Variants in ASTN2 observed in about 807,000 individuals in gnomAD.
ASTN2 encodes the protein astrotactin-2.
In ASTN2, 54 loss-of-function variants were observed where a neutral mutation model predicts 139.8. The ratio of observed to expected loss-of-function variants is 0.39; its 90% CI spans 0.31 to 0.48. ASTN2 has a LOEUF of 0.48. ASTN2 is among the 20% of genes least tolerant of loss of function. ASTN2 has a pLI of 0.95. For synonymous variants in ASTN2, 756 were observed against 719.5 expected, an observed-to-expected ratio of 1.05 and a Z score of -0.81; for missense variants, 1,565 against 1,725.1, an observed-to-expected ratio of 0.91 and a Z score of 1.64.
chr9:116,887,328 G>T (rs1833636638), intron 10 of ASTN2, among the ~76,000 whole-genome samples: 1 of 151,996 alleles, frequency 6.6e-6, no homozygotes, highest in South Asian at 2.1e-4. Context: ...AGGGACTCAG[G>T]GACTGAGATG....
At chr9:116,980,099 G>A (rs1179694775) in intron 7 of ASTN2, among the ~76,000 whole-genome samples, 1 of 152,154 alleles carries the variant, frequency 6.6e-6, no homozygotes, top group Non-Finnish European at 1.5e-5. Flanking sequence ...AAGCCCCCGA[G>A]TGCTAGCAGC....
In ASTN2 at chr9:116,801,791, G is replaced by A. The variant is rs114244063; in HGVS notation, c.2396+3841C>T. 6.5e-3 allele frequency among the ~76,000 whole-genome samples: 992 copies of A among 152,130 alleles called. 20 individuals carry two copies. The highest frequency in any genetic ancestry group is 0.023 in the African/African-American group (936 of 41,504). On this transcript the variant is annotated intron_variant, in intron 13 of 22. Coordinates refer to ENST00000313400, the MANE Select transcript of ASTN2 (RefSeq NM_001365068.1). ...AGTTTAGCTGAAGCCAAGGACGACAGAGCTTAAATGGAATAGATTGCTCTA... is the reference window on the plus strand; with the variant it reads ...AGTTTAGCTGAAGCCAAGGACGACAAAGCTTAAATGGAATAGATTGCTCTA...
chr9:116,624,545 T>C (rs1234381863), intron 17 of ASTN2, among the ~76,000 whole-genome samples: 1 of 152,220 alleles, frequency 6.6e-6, no homozygotes, highest in Non-Finnish European at 1.5e-5. Context: ...GACAATATCT[T>C]AGGAATTTTA....
chr9:117,079,462 T>C (rs1199294585), intron 5 of ASTN2, among the ~76,000 whole-genome samples: 2 of 152,172 alleles, frequency 1.3e-5, no homozygotes, highest in Non-Finnish European at 2.9e-5. Flanking sequence ...GTTAGGTATT[T>C]ATTATTTAAA....
At chr9:117,080,834 T>A (rs1301420296) in intron 5 of ASTN2, among the ~76,000 whole-genome samples, 1 of 152,062 alleles carries the variant, frequency 6.6e-6, no homozygotes, top group Non-Finnish European at 1.5e-5. Flanking sequence ...TGCTAACCCC[T>A]GACACCCCAG....
chr9:117,041,330 A>T (rs6478274), intron 5 of ASTN2, among the ~76,000 whole-genome samples: 1 of 151,690 alleles, frequency 6.6e-6, no homozygotes, highest in African/African-American at 2.4e-5. Flanking sequence ...GTGGCTATCC[A>T]ATTAGAATGT....
intron 11 of ASTN2, among the ~76,000 whole-genome samples, chr9:116,853,349 T>C (rs1403690779): frequency 1.3e-5 from 2 of 152,230 alleles, no homozygotes; most frequent in African/African-American, 2.4e-5. Flanking sequence ...AATTCTATTA[T>C]TATAATTAAG....
chr9:117,202,569 A>G (rs1351300750), intron 3 of ASTN2, among the ~76,000 whole-genome samples: 4 of 152,116 alleles, frequency 2.6e-5, no homozygotes, highest in Admixed American at 2.6e-4. Flanking sequence ...GCTTGTCTGG[A>G]AAAGATTTTC....
Position 116,895,266 on chromosome 9 carries a change from T to A in ASTN2, c.1890-31533A>T, listed in dbSNP as rs144200156. Among the ~76,000 whole-genome samples the A allele has an allele frequency of 7.0e-4, 106 of 152,350 alleles. No homozygotes were observed. In the East Asian group the frequency reaches 0.019, roughly 28 times the overall value. On this transcript the variant is annotated intron_variant, in intron 10 of 22. Coordinates refer to ENST00000313400, the MANE Select transcript of ASTN2 (RefSeq NM_001365068.1). ...TCAGGCTATATGCATAAGGTGTATA[T>A]GAAACATATGAATTTCATGTTTAGA... is the stretch of plus-strand genomic sequence containing the variant.
chr9:116,860,088 G>T (rs552358709), intron 11 of ASTN2, among the ~76,000 whole-genome samples: 13 of 152,152 alleles, frequency 8.5e-5, no homozygotes, highest in Non-Finnish European at 1.6e-4. Context: ...GCCAAGTGAT[G>T]CAGCAGGTAC....
chr9:116,731,447 A>G (rs563708686), intron 14 of ASTN2, among the ~76,000 whole-genome samples: 1 of 151,942 alleles, frequency 6.6e-6, no homozygotes, highest in African/African-American at 2.4e-5. Flanking sequence ...TTTGAGACAG[A>G]GTTTCACTCC....
In ASTN2 at chr9:116,534,335, G is replaced by A. The variant is rs530204447; in HGVS notation, c.3356-46835C>T. Among the ~76,000 whole-genome samples the A allele has an allele frequency of 1.4e-4, 22 of 152,058 alleles. 1 individual carries two copies. Among genetic ancestry groups the A allele is most frequent in the African/African-American group, 2.2e-4 (9 of 41,474 alleles). ...CAGCTCCTGGATTCATTGATTTTTCGAATGGTTTTTTGTGTCTCTATTTCC... is the reference window on the plus strand; with the variant it reads ...CAGCTCCTGGATTCATTGATTTTTCAAATGGTTTTTTGTGTCTCTATTTCC... On this transcript the variant is annotated intron_variant, in intron 19 of 22. Transcript: ENST00000313400.
intron 10 of ASTN2, among the ~76,000 whole-genome samples, chr9:116,931,895 G>A (rs2132452415): frequency 6.6e-6 from 1 of 152,246 alleles, no homozygotes; most frequent in East Asian, 1.9e-4. Flanking sequence ...AATGAACGTA[G>A]GGGTAGAGAG....
intron 13 of ASTN2, among the ~76,000 whole-genome samples, chr9:116,791,002 AG>A (rs1830531253): frequency 4.9e-5 from 6 of 122,616 alleles, no homozygotes; most frequent in Admixed American, 8.6e-5. Flanking sequence ...AAAGAAAGAA[AG>A]AAAGAAAGAA....
At chr9:116,487,686 T>C (rs957736051) in intron 19 of ASTN2, among the ~76,000 whole-genome samples, 186 bp from the exon 20 acceptor site, 2 of 152,262 alleles carry the variant, frequency 1.3e-5, no homozygotes, top group Non-Finnish European at 2.9e-5. Flanking sequence ...TTCATATTTA[T>C]GCGCAATTTT....
intron 2 of ASTN2, among the ~76,000 whole-genome samples, chr9:117,231,778 A>C: frequency 6.6e-6 from 1 of 152,130 alleles, no homozygotes; most frequent in East Asian, 1.9e-4. Context: ...GAGAGTAGAA[A>C]GAAGCTTCTT....
At chr9:116,977,719 T>TTC (rs1276852685) in intron 7 of ASTN2, among the ~76,000 whole-genome samples, 459 of 145,310 alleles carry the variant, frequency 3.2e-3, no homozygotes, top group Non-Finnish European at 5.0e-3. Flanking sequence ...CTTTTTCTTT[T>TTC]TTTTTTTTTT....
intron 5 of ASTN2, among the ~76,000 whole-genome samples, chr9:117,079,773 T>C (rs905129429): frequency 2.6e-5 from 4 of 152,284 alleles, no homozygotes; most frequent in Non-Finnish European, 4.4e-5. Context: ...GTCAATCTAA[T>C]TGTATCATAG....
At chr9:117,281,972 G>A (rs961126622) in intron 2 of ASTN2, among the ~76,000 whole-genome samples, 3 of 152,112 alleles carry the variant, frequency 2.0e-5, no homozygotes, top group Non-Finnish European at 4.4e-5. Flanking sequence ...CTTTCTTGAG[G>A]TTGAGTTCCA....
Sources: gnomAD v4.1 joint callset for allele counts (sites outside exome capture counted in the v4.1 genomes callset) on GRCh38, gnomAD v4.1.1 for gene constraint, MANE v1.5 for transcripts, NCBI Gene and HGNC (gene_info 2026-07-23, HGNC 2026-07-21) for gene names.